SOX5: variants seen among roughly 807,000 people sequenced by gnomAD.
The protein encoded by SOX5 is SRY-box transcription factor 5.
SOX5 carries 9 observed loss-of-function variants against 92.0 expected under a neutral mutation model. That is an observed-to-expected ratio of 0.10 (90% CI 0.06 to 0.17). SOX5 has a LOEUF of 0.17. Ranked by LOEUF, SOX5 falls within the 10% of genes least tolerant of loss-of-function variation. The probability of loss-of-function intolerance (pLI) is 1.00; values close to 1 mark genes in which losing one functional copy is unlikely to be tolerated. For synonymous variants in SOX5, 344 were observed against 336.3 expected (o/e 1.02, Z -0.25); for missense variants, 642 against 944.5 (o/e 0.68, Z 4.20).
At chr12:23,616,244 A>T (rs2076538914) in intron 8 of SOX5, among the ~76,000 whole-genome samples, 1 of 152,212 alleles carries the variant, frequency 6.6e-6, no homozygotes, top group African/African-American at 2.4e-5. Flanking sequence ...CTCTTGGTCA[A>T]ACCTGAGCGG....
intron 2 of SOX5, among the ~76,000 whole-genome samples, chr12:23,877,507 C>A (rs187536032): frequency 2.1e-3 from 324 of 152,146 alleles, no homozygotes; most frequent in Admixed American, 3.6e-3. Flanking sequence ...TAATAAATAG[C>A]TTTATATAGC....
Position 24,002,999 on chromosome 12 carries a change from T to C in SOX5, c.-1-106975A>G, listed in dbSNP as rs142726307. ...TGGAATTTATCCCAGAATAAAGGGT[T>C]GGTTTAATATCTCTTCATCAGTTAC... On this transcript the variant is annotated intron_variant, in intron 4 of 4. Transcript: ENST00000446891. Among the ~76,000 whole-genome samples, 95 of 152,246 alleles carry C rather than the reference T, an allele frequency of 6.2e-4. No individual in the cohort carries two copies. In the Middle Eastern group the frequency reaches 0.01, roughly 16 times the overall value.
chr12:23,783,103 C>T (rs894094576), intron 3 of SOX5, among the ~76,000 whole-genome samples: 6 of 152,142 alleles, frequency 3.9e-5, no homozygotes, highest in Admixed American at 2.0e-4. Flanking sequence ...CATGTTGATT[C>T]ACTTTCTTCA....
intron 1 of SOX5, among the ~76,000 whole-genome samples, chr12:24,415,468 A>C (rs7956371): frequency 6.6e-6 from 1 of 152,082 alleles, no homozygotes; most frequent in African/African-American, 2.4e-5. Flanking sequence ...AGAAGCAAAA[A>C]CCCTGAAAAT....
chr12:23,700,529 G>A (rs1389529774), intron 6 of SOX5, among the ~76,000 whole-genome samples: 1 of 152,044 alleles, frequency 6.6e-6, no homozygotes, highest in Non-Finnish European at 1.5e-5. Context: ...AATGCCACAA[G>A]TAAAGGCCTC....
intron 2 of SOX5, among the ~76,000 whole-genome samples, chr12:24,340,186 A>C (rs974341310): frequency 4.6e-5 from 7 of 152,252 alleles, no homozygotes; most frequent in African/African-American, 1.7e-4. Flanking sequence ...AACCTGAAAC[A>C]ACATACAAAC....
At chr12:24,029,493 T>C (rs1009036763) in intron 4 of SOX5, among the ~76,000 whole-genome samples, 4 of 151,798 alleles carry the variant, frequency 2.6e-5, no homozygotes, top group Non-Finnish European at 4.4e-5. Context: ...CAGGATGGTT[T>C]CAAACATCTG....
At chr12:23,996,036 A>G (rs963075733) in intron 4 of SOX5, among the ~76,000 whole-genome samples, 3 of 152,210 alleles carry the variant, frequency 2.0e-5, no homozygotes, top group Non-Finnish European at 4.4e-5. Flanking sequence ...TGACTCATTT[A>G]ATAAGGATAG....
intron 1 of SOX5, among the ~76,000 whole-genome samples, chr12:24,535,963 C>T (rs1951608526): frequency 6.6e-6 from 1 of 152,068 alleles, no homozygotes; most frequent in African/African-American, 2.4e-5. Flanking sequence ...CTCAGTAGCA[C>T]TTTGCTTCTC....
At chr12:24,429,998 C>A (rs1937971733) in intron 1 of SOX5, among the ~76,000 whole-genome samples, 1 of 152,070 alleles carries the variant, frequency 6.6e-6, no homozygotes, top group South Asian at 2.1e-4. Flanking sequence ...TTCCAAAAGG[C>A]AAATCTATTA....
At chr12:24,532,880 T>G (rs879896120) in intron 1 of SOX5, among the ~76,000 whole-genome samples, 1 of 152,186 alleles carries the variant, frequency 6.6e-6, no homozygotes, top group African/African-American at 2.4e-5. Flanking sequence ...CGTCATAAAA[T>G]GAGTTTACTA....
intron 4 of SOX5, among the ~76,000 whole-genome samples, chr12:24,100,119 C>T (rs1945909088): frequency 6.6e-6 from 1 of 152,118 alleles, no homozygotes; most frequent in Non-Finnish European, 1.5e-5. Flanking sequence ...CCTGCATCTA[C>T]AATCTCTCCC....
intron 3 of SOX5, among the ~76,000 whole-genome samples, chr12:23,780,047 C>G (rs2141735562): frequency 6.7e-6 from 1 of 148,982 alleles, no homozygotes; most frequent in South Asian, 2.1e-4. Flanking sequence ...ATACAAGCAC[C>G]TTTCCCTAAT....
chr12:24,114,764 A>G (rs1327069863), intron 4 of SOX5, among the ~76,000 whole-genome samples: 1 of 151,890 alleles, frequency 6.6e-6, no homozygotes, highest in African/African-American at 2.4e-5. Context: ...CAATGCAGCC[A>G]GACTCTAAAC....
intron 4 of SOX5, among the ~76,000 whole-genome samples, chr12:24,085,369 G>A (rs1943857545): frequency 1.3e-5 from 2 of 152,016 alleles, no homozygotes; most frequent in Admixed American, 6.6e-5. Flanking sequence ...CTATGAGTTG[G>A]ATACAACTTT....
At chr12:23,961,210 A>G (rs1224777645) in intron 4 of SOX5, among the ~76,000 whole-genome samples, 1 of 152,188 alleles carries the variant, frequency 6.6e-6, no homozygotes, top group African/African-American at 2.4e-5. Flanking sequence ...TTAAATTAGA[A>G]TTTTAGTTTC....
chr12:24,330,109 C>A (rs979401723), intron 2 of SOX5, among the ~76,000 whole-genome samples: 6 of 151,878 alleles, frequency 4.0e-5, no homozygotes, highest in African/African-American at 7.3e-5. Context: ...TCCCAAACCA[C>A]AGAAGAAAAC....
At chr12:23,911,879 C>G (rs1026265867) in intron 1 of SOX5, among the ~76,000 whole-genome samples, 1 of 152,080 alleles carries the variant, frequency 6.6e-6, no homozygotes, top group Admixed American at 6.6e-5. Flanking sequence ...TCTTCGTGGC[C>G]TTGGGTTAGG....
intron 1 of SOX5, among the ~76,000 whole-genome samples, chr12:24,412,389 T>G (rs1431200852): frequency 6.6e-6 from 1 of 152,064 alleles, no homozygotes; most frequent in Admixed American, 6.6e-5. Flanking sequence ...ATTTGAGACT[T>G]TTCCTCTTTT....
Sources: allele counts gnomAD v4.1 joint callset (sites outside exome capture counted in the v4.1 genomes callset), GRCh38; gene constraint gnomAD v4.1.1; transcripts MANE v1.5; gene names NCBI Gene and HGNC (gene_info 2026-07-23, HGNC 2026-07-21).